Variants in MGAM2 observed in about 807,000 individuals in gnomAD.
The protein encoded by MGAM2 is maltase-glucoamylase 2 (putative).
A neutral mutation model predicts 96.1 loss-of-function variants in MGAM2; 98 were observed. The ratio of observed to expected loss-of-function variants is 1.02; its 90% CI spans 0.87 to 1.21. The LOEUF (loss-of-function observed/expected upper bound fraction) is 1.21, where lower values mean the gene tolerates loss of function less well. MGAM2 is among the 50% of genes most tolerant of loss of function. MGAM2 has a pLI of 0.00. For synonymous variants in MGAM2, 749 were observed against 414.8 expected, an observed-to-expected ratio of 1.81 and a Z score of -9.79; for missense variants, 2,055 against 1,182.4, an observed-to-expected ratio of 1.74 and a Z score of -10.82.
At chr7:142,132,834 A>G (rs1178713592) in intron 6 of MGAM2, among the ~76,000 whole-genome samples, 1 of 128,504 alleles carries the variant, frequency 7.8e-6, no homozygotes, top group Non-Finnish European at 1.5e-5. Context: ...TATAAGTAAT[A>G]TAATTATATA....
intron 1 of MGAM2, among the ~76,000 whole-genome samples, chr7:142,112,891 A>C (rs1204975266): frequency 6.6e-6 from 1 of 152,224 alleles, no homozygotes; most frequent in Non-Finnish European, 1.5e-5. Flanking sequence ...TTAGGTAAAT[A>C]GTAAAGAATA....
chr7:142,144,813 A>G (rs1336986454), intron 13 of MGAM2, 48 bp from the exon 14 acceptor site: 6 of 683,280 alleles, frequency 8.8e-6, no homozygotes, highest in Non-Finnish European at 1.6e-5. Flanking sequence ...CAACAGCTAA[A>G]TGTAGCTCAA....
intron 1 of MGAM2, among the ~76,000 whole-genome samples, 158 bp from the exon 2 acceptor site, chr7:142,116,716 A>G (rs981933037): frequency 3.9e-5 from 6 of 152,242 alleles, no homozygotes; most frequent in Non-Finnish European, 5.9e-5. Flanking sequence ...AGGGACACTG[A>G]TAAGTGGAAA....
At chr7:142,209,588 A>AT (rs1222223175) in intron 46 of MGAM2, among the ~76,000 whole-genome samples, 2 of 152,080 alleles carry the variant, frequency 1.3e-5, no homozygotes, top group Admixed American at 1.3e-4. Flanking sequence ...GCACAAATCT[A>AT]TTTTTTTTCT....
intron 13 of MGAM2, among the ~76,000 whole-genome samples, chr7:142,144,157 G>A (rs1449277522): frequency 1.3e-5 from 2 of 152,100 alleles, no homozygotes; most frequent in Admixed American, 1.3e-4. Context: ...TAAAAATACT[G>A]TTTTATTAAA....
At chr7:142,211,097 G>A (rs991553194) in intron 46 of MGAM2, among the ~76,000 whole-genome samples, 1 of 152,178 alleles carries the variant, frequency 6.6e-6, no homozygotes, top group Non-Finnish European at 1.5e-5. Context: ...CAGAAGAGGG[G>A]CCTGACTATT....
chr7:142,203,678 T>C (rs962794039), intron 45 of MGAM2, among the ~76,000 whole-genome samples: 3 of 151,690 alleles, frequency 2.0e-5, no homozygotes, highest in Non-Finnish European at 4.4e-5. Flanking sequence ...GTATAGAAAA[T>C]CCAGAAATAA....
chr7:142,158,965 G>A (rs899717352), intron 19 of MGAM2, among the ~76,000 whole-genome samples: 2 of 152,142 alleles, frequency 1.3e-5, no homozygotes, highest in Admixed American at 1.3e-4. Flanking sequence ...ACCAACCAGT[G>A]GCCCTGCTGG....
intron 37 of MGAM2, among the ~76,000 whole-genome samples, chr7:142,192,248 T>A (rs989745757): frequency 6.6e-6 from 1 of 152,222 alleles, no homozygotes; most frequent in Non-Finnish European, 1.5e-5. Flanking sequence ...CCACTTTCTT[T>A]ACATCTTCAT....
Position 142,161,972 on chromosome 7 carries a change from A to G in MGAM2, c.2452A>G (p.Lys818Glu). ...GVSKDAVTEK[K>E]YILYDFSVTS... ...TTTTTTAGATGCTGTGACTGAAAAG[A>G]AGTATATTCTATATGATTTCTCTGT... The change falls in exon 23 of 48, where the codon AAG becomes GAG. Residue 818 changes from lysine to glutamate, a missense_variant. Lys to Glu is a moderately conservative substitution (Grantham distance 56). Coordinates refer to ENST00000477922, the MANE Select transcript of MGAM2 (RefSeq NM_001293626.2). The G allele has an allele frequency of 2.9e-6, 2 of 697,896 alleles. No individual in the cohort carries two copies. The highest frequency in any genetic ancestry group is 5.2e-6 in the Non-Finnish European group (2 of 383,164). 43.2% of individuals were successfully genotyped at this position (697,896 alleles called of 1,614,324 possible).
chr7:142,210,768 A>G (rs1009530152), intron 46 of MGAM2, among the ~76,000 whole-genome samples: 11 of 152,244 alleles, frequency 7.2e-5, no homozygotes, highest in African/African-American at 2.7e-4. Context: ...CAGCTTCAGC[A>G]GACTTAAACC....
intron 2 of MGAM2, among the ~76,000 whole-genome samples, chr7:142,119,978 C>A (rs182852546): frequency 6.6e-6 from 1 of 152,136 alleles, no homozygotes; most frequent in African/African-American, 2.4e-5. Context: ...AATTCGACAG[C>A]GGTCACAGGT....
At chr7:142,124,884 C>T (rs1794692549) in intron 3 of MGAM2, among the ~76,000 whole-genome samples, 1 of 151,990 alleles carries the variant, frequency 6.6e-6, no homozygotes. Context: ...TTTTTGAATA[C>T]TGATCTTGTA....
intron 15 of MGAM2, among the ~76,000 whole-genome samples, chr7:142,149,848 G>A (rs575372411): frequency 3.8e-4 from 58 of 150,854 alleles, no homozygotes; most frequent in Non-Finnish European, 6.8e-4. Context: ...GCCTTACTTG[G>A]ATGTTTTGTA....
chr7:142,215,070 G>C (rs1365294245), intron 46 of MGAM2, among the ~76,000 whole-genome samples: 2 of 152,202 alleles, frequency 1.3e-5, no homozygotes, highest in African/African-American at 2.4e-5. Context: ...ATCAGTGTTA[G>C]ACCAGATAAA....
At chr7:142,159,870 T>A (rs368438497) in intron 20 of MGAM2, among the ~76,000 whole-genome samples, 4 of 152,196 alleles carry the variant, frequency 2.6e-5, no homozygotes, top group African/African-American at 9.7e-5. Flanking sequence ...CTATCAAGAC[T>A]GGGCTTTGTC....
chr7:142,207,119 A>G (rs573216257), intron 45 of MGAM2, among the ~76,000 whole-genome samples: 1 of 152,378 alleles, frequency 6.6e-6, no homozygotes, highest in Admixed American at 6.5e-5. Flanking sequence ...GAGAAGGGCC[A>G]AGAACAGAAC....
At chr7:142,172,945 T>C (rs1796244250) in intron 30 of MGAM2, among the ~76,000 whole-genome samples, 181 bp downstream of exon 30, 1 of 152,202 alleles carries the variant, frequency 6.6e-6, no homozygotes, top group Admixed American at 6.5e-5. Flanking sequence ...TAATATCCCA[T>C]GTGTCCCTCA....
Position 142,187,795 on chromosome 7 carries a change from T to G in MGAM2, c.4168T>G (p.Cys1390Gly). Residue 1390 changes from cysteine (C) to glycine (G), a missense_variant, in exon 36 of 48, where the codon TGC becomes GGC. Coordinates refer to ENST00000477922, the MANE Select transcript of MGAM2 (RefSeq NM_001293626.2). The stretch of plus-strand genomic sequence containing the variant: ...TTTTGTGGATGGATCTGTCAGGGGC[T>G]GCAGCAATGAAATGCTAAATAACCC... ...SNFVDGSVRG[C>G]SNEMLNNPPY... 1.4e-6 allele frequency: 1 copy of G among 702,842 alleles called. No individual in the cohort carries two copies. The highest frequency in any genetic ancestry group is 2.6e-6 in the Non-Finnish European group (1 of 384,868). The allele number at this position is 702,842 out of a possible 1,614,324, so 43.5% of individuals were successfully genotyped here.
Sources: gnomAD v4.1 joint callset for allele counts (sites outside exome capture counted in the v4.1 genomes callset) on GRCh38, gnomAD v4.1.1 for gene constraint, MANE v1.5 for transcripts, NCBI Gene and HGNC (gene_info 2026-07-23, HGNC 2026-07-21) for gene names.